The following TRIO variants were observed in gnomAD, a reference collection of about 807,000 sequenced individuals.
TRIO encodes the protein trio Rho guanine nucleotide exchange factor.
TRIO carries 58 observed loss-of-function variants against 351.9 expected under a neutral mutation model. The ratio of observed to expected loss-of-function variants is 0.16; its 90% confidence interval spans 0.13 to 0.21. The LOEUF is 0.21. Among genes scored for constraint, TRIO ranks in the 10% least tolerant of loss-of-function variants. TRIO has a pLI of 1.00. For synonymous variants in TRIO, 1,758 were observed against 1,595.7 expected, an observed-to-expected ratio of 1.10 and a Z score of -2.42; for missense variants, 3,201 against 4,027.8, an observed-to-expected ratio of 0.79 and a Z score of 5.56.
chr5:14,447,706 G>T (rs926658950), intron 34 of TRIO, among the ~76,000 whole-genome samples: 5 of 152,062 alleles, frequency 3.3e-5, no homozygotes, highest in African/African-American at 1.2e-4. Context: ...ATCATAGGAA[G>T]ACATTAGCCA....
At chr5:14,373,336 A>G (rs1169592608) in intron 18 of TRIO, among the ~76,000 whole-genome samples, 1 of 152,194 alleles carries the variant, frequency 6.6e-6, no homozygotes, top group Non-Finnish European at 1.5e-5. Context: ...CGCTCCATCT[A>G]CTGAAAAAGT....
At chr5:14,424,134 G>A (rs952095375) in intron 34 of TRIO, among the ~76,000 whole-genome samples, 3 of 151,970 alleles carry the variant, frequency 2.0e-5, no homozygotes, top group Admixed American at 6.5e-5. Flanking sequence ...TGGAGGATGC[G>A]TTCTTCCTGT....
At chr5:14,371,567 C>A (rs1166146081) in intron 18 of TRIO, among the ~76,000 whole-genome samples, 2 of 151,636 alleles carry the variant, frequency 1.3e-5, no homozygotes, top group African/African-American at 2.4e-5. Flanking sequence ...ATTATCATAT[C>A]TTTAAAATTA....
chr5:14,325,971 A>C (rs1454427638), intron 9 of TRIO, among the ~76,000 whole-genome samples: 2 of 152,216 alleles, frequency 1.3e-5, no homozygotes, highest in Admixed American at 1.3e-4. Flanking sequence ...CAACAGCCTG[A>C]ACCATTCTGA....
intron 8 of TRIO, among the ~76,000 whole-genome samples, chr5:14,305,417 T>C (rs1038884190): frequency 4.6e-5 from 7 of 152,034 alleles, no homozygotes; most frequent in African/African-American, 1.7e-4. Context: ...AGGCGAGGGG[T>C]GTAGAGAGGA....
In TRIO at chr5:14,509,413, G is replaced by C. The variant is rs779055180; in HGVS notation, c.*991G>C. The C allele has an allele frequency of 1.7e-5, 8 of 467,796 alleles. No homozygotes were observed. Among genetic ancestry groups the C allele is most frequent in the South Asian group, 1.2e-4 (8 of 65,132 alleles). The allele number at this position is 467,796 out of a possible 1,614,324, so 29.0% of individuals were successfully genotyped here. ...GTTGGGGTTGGCGGGTGGGTGGGTA[G>C]GGTCGTAGCCCTGTGCCATCGGTTC... is the stretch of plus-strand genomic sequence containing the variant. On this transcript the variant is annotated 3_prime_UTR_variant, in exon 57 of 57. Coordinates refer to ENST00000344204, the MANE Select transcript of TRIO (RefSeq NM_007118.4).
chr5:14,472,819 A>G (rs567964004), intron 39 of TRIO, among the ~76,000 whole-genome samples, 161 bp downstream of exon 39: 12 of 152,356 alleles, frequency 7.9e-5, no homozygotes, highest in African/African-American at 2.4e-4. Context: ...AAGTTTAGCC[A>G]ATTGTCTTTA....
At chr5:14,168,460 A>G (rs1256332842) in intron 1 of TRIO, among the ~76,000 whole-genome samples, 1 of 152,242 alleles carries the variant, frequency 6.6e-6, no homozygotes, top group Non-Finnish European at 1.5e-5. Context: ...GGCCAACAGA[A>G]TGAGACTTAC....
chr5:14,182,289 A>G (rs73055575), intron 1 of TRIO, among the ~76,000 whole-genome samples: 5,827 of 152,212 alleles, frequency 0.038, 395 homozygotes, highest in African/African-American at 0.13. Flanking sequence ...AGAACCGCCT[A>G]TTACTCCTTG....
chr5:14,293,177 T>G (rs1737055019), intron 6 of TRIO, 43 bp downstream of exon 6: 1 of 1,612,628 alleles, frequency 6.2e-7, no homozygotes, highest in Non-Finnish European at 8.5e-7. Flanking sequence ...GTGACAGTGT[T>G]TTAGCAAATG....
At chr5:14,366,658 A>G (rs1277572015) in intron 15 of TRIO, among the ~76,000 whole-genome samples, 1 of 152,222 alleles carries the variant, frequency 6.6e-6, no homozygotes, top group African/African-American at 2.4e-5. Context: ...TAACAGAACT[A>G]ATTAAAAAGA....
intron 34 of TRIO, among the ~76,000 whole-genome samples, chr5:14,428,276 T>C (rs1433371851): frequency 6.6e-6 from 1 of 152,230 alleles, no homozygotes; most frequent in Non-Finnish European, 1.5e-5. Flanking sequence ...CATGCCAAAT[T>C]GCCACTGTTA....
At chr5:14,408,880 A>G (rs1467719833) in intron 33 of TRIO, among the ~76,000 whole-genome samples, 1 of 152,160 alleles carries the variant, frequency 6.6e-6, no homozygotes, top group Admixed American at 6.5e-5. Context: ...TTTAAAAAAA[A>G]AAAAGTAAAT....
intron 1 of TRIO, among the ~76,000 whole-genome samples, chr5:14,237,058 C>T (rs906872240): frequency 6.6e-6 from 1 of 152,218 alleles, no homozygotes; most frequent in Non-Finnish European, 1.5e-5. Flanking sequence ...GAGAGTTATT[C>T]TCCCCTTTAA....
chr5:14,175,693 A>G (rs1581275718), intron 1 of TRIO, among the ~76,000 whole-genome samples: 1 of 152,244 alleles, frequency 6.6e-6, no homozygotes, highest in South Asian at 2.1e-4. Flanking sequence ...AACTAGTCAC[A>G]TTGAAAATTA....
chr5:14,327,323 C>A (rs1017610881), intron 9 of TRIO, among the ~76,000 whole-genome samples: 3 of 152,140 alleles, frequency 2.0e-5, no homozygotes, highest in African/African-American at 4.8e-5. Context: ...CACCACCACG[C>A]CCGGCTAATT....
At chr5:14,264,919 A>G (rs1795579273) in intron 1 of TRIO, among the ~76,000 whole-genome samples, 1 of 152,176 alleles carries the variant, frequency 6.6e-6, no homozygotes. Context: ...TTTCCCCCAA[A>G]GTAACTAATG....
chr5:14,240,073 CCTTTG>C (rs1337062099), intron 1 of TRIO, among the ~76,000 whole-genome samples: 2 of 152,216 alleles, frequency 1.3e-5, no homozygotes, highest in Non-Finnish European at 2.9e-5. Context: ...GACTTTCCTT[CCTTTG>C]CAACCTCAGT....
intron 7 of TRIO, among the ~76,000 whole-genome samples, chr5:14,302,593 G>A (rs1737997560): frequency 6.6e-6 from 1 of 152,154 alleles, no homozygotes; most frequent in Admixed American, 6.5e-5. Flanking sequence ...CAAGCCGTAA[G>A]GTCTGCATAG....
Sources: gnomAD v4.1 joint callset for allele counts (sites outside exome capture counted in the v4.1 genomes callset) on GRCh38, gnomAD v4.1.1 for gene constraint, MANE v1.5 for transcripts, NCBI Gene and HGNC (gene_info 2026-07-23, HGNC 2026-07-21) for gene names.